Variants in CLASP1 observed in about 807,000 individuals in gnomAD.
The protein encoded by CLASP1 is CLIP-associating protein 1.
A neutral mutation model predicts 192.3 loss-of-function variants in CLASP1; 38 were observed. That is an observed-to-expected ratio of 0.20 (90% CI 0.15 to 0.26). CLASP1 has a LOEUF of 0.26. Among genes scored for constraint, CLASP1 ranks in the 10% least tolerant of loss-of-function variants. The pLI, the probability that CLASP1 is intolerant of heterozygous loss-of-function variation, is 1.00. For synonymous variants in CLASP1, 691 were observed against 712.8 expected (o/e 0.97, Z 0.49); for missense variants, 1,433 against 1,932.5 (o/e 0.74, Z 4.85).
intron 8 of CLASP1, among the ~76,000 whole-genome samples, chr2:121,476,238 C>T (rs139149610): frequency 1.3e-5 from 2 of 152,172 alleles, no homozygotes; most frequent in Non-Finnish European, 2.9e-5. Flanking sequence ...AGGGCCAGCA[C>T]TAGGAGGTCA....
chr2:121,384,457 G>C (rs1038423063), intron 32 of CLASP1, among the ~76,000 whole-genome samples: 3 of 151,748 alleles, frequency 2.0e-5, no homozygotes, highest in Non-Finnish European at 4.4e-5. Context: ...CAAAGTGCTG[G>C]GATTACAGGC....
intron 19 of CLASP1, among the ~76,000 whole-genome samples, chr2:121,436,788 C>G (rs1447206472): frequency 1.3e-5 from 2 of 152,274 alleles, no homozygotes; most frequent in African/African-American, 4.8e-5. Flanking sequence ...TCTCCCTCTT[C>G]TTCTTAAACT....
chr2:121,599,375 G>A lies in CLASP1; in HGVS notation c.195+6326C>T, dbSNP rs2063523303. Among the ~76,000 whole-genome samples, 3 of 148,364 alleles carry A rather than the reference G, an allele frequency of 2.0e-5. No individual in the cohort carries two copies. In the South Asian group the frequency reaches 6.4e-4, roughly 32 times the overall value. ...GAGGCCGAGGCTGGTGGATCAGGCAGTCAGGAGTTCAAGACCAGCCTGGCC... is the reference window on the plus strand; with the variant it reads ...GAGGCCGAGGCTGGTGGATCAGGCAATCAGGAGTTCAAGACCAGCCTGGCC... On this transcript the variant is annotated intron_variant, in intron 2 of 39. Coordinates refer to ENST00000263710, the Ensembl canonical transcript of CLASP1.
At chr2:121,524,247 C>T (rs1285204691) in intron 6 of CLASP1, among the ~76,000 whole-genome samples, 2 of 152,096 alleles carry the variant, frequency 1.3e-5, no homozygotes, top group African/African-American at 2.4e-5. Context: ...AGCGAAACCC[C>T]CAGAGTGCGG....
intron 2 of CLASP1, among the ~76,000 whole-genome samples, chr2:121,537,518 A>C (rs2095122058): frequency 6.6e-6 from 1 of 152,194 alleles, no homozygotes; most frequent in African/African-American, 2.4e-5. Context: ...ATCACACCAC[A>C]CTAAGGAAAA....
chr2:121,538,849 A>G, intron 2 of CLASP1, among the ~76,000 whole-genome samples: 1 of 152,132 alleles, frequency 6.6e-6, no homozygotes, highest in East Asian at 1.9e-4. Context: ...GACTAATACA[A>G]AGCCAATATA....
At chr2:121,525,849 C>G in exon 6 of CLASP1, 1 of 1,611,076 alleles carries the variant, frequency 6.2e-7, no homozygotes, top group Non-Finnish European at 8.5e-7. Context: ...ACTCACCTGG[C>G]TGTTTGGATC....
At chr2:121,412,480 T>TG (rs1452968368) in intron 23 of CLASP1, among the ~76,000 whole-genome samples, 4 of 151,990 alleles carry the variant, frequency 2.6e-5, no homozygotes. Flanking sequence ...AAGTTTTTTT[T>TG]TTCATTAAAA....
chr2:121,599,273 A>C (rs1286019564), intron 2 of CLASP1, among the ~76,000 whole-genome samples: 1 of 148,930 alleles, frequency 6.7e-6, no homozygotes, highest in African/African-American at 2.5e-5. Flanking sequence ...TTACTTCTCC[A>C]TTCTCTTTTC....
chr2:121,374,405 C>T (rs2069493136), intron 34 of CLASP1, among the ~76,000 whole-genome samples: 1 of 152,240 alleles, frequency 6.6e-6, no homozygotes, highest in African/African-American at 2.4e-5. Flanking sequence ...AGAACCTCTA[C>T]TAGGGGAGAC....
intron 33 of CLASP1, among the ~76,000 whole-genome samples, chr2:121,381,544 T>G (rs1244377479): frequency 6.6e-6 from 1 of 152,202 alleles, no homozygotes; most frequent in Non-Finnish European, 1.5e-5. Context: ...CCACCCCTTC[T>G]TCCAGACTCA....
At chr2:121,419,326 C>T (rs964669466) in intron 22 of CLASP1, among the ~76,000 whole-genome samples, 4 of 151,486 alleles carry the variant, frequency 2.6e-5, no homozygotes, top group Non-Finnish European at 5.9e-5. Context: ...TGTGTAGATG[C>T]TTCAAACATA....
intron 39 of CLASP1, 144 bp downstream of exon 40, chr2:121,346,894 T>G (rs1331675294): frequency 3.4e-6 from 2 of 591,052 alleles, no homozygotes; most frequent in Admixed American, 3.1e-5. Context: ...TTTTTATATT[T>G]AGAAAAATCC....
chr2:121,456,579 A>C (rs1280498351), intron 14 of CLASP1, among the ~76,000 whole-genome samples: 1 of 151,902 alleles, frequency 6.6e-6, no homozygotes, highest in Non-Finnish European at 1.5e-5. Flanking sequence ...AAGGAAACAG[A>C]AGGGAAAGGA....
intron 23 of CLASP1, among the ~76,000 whole-genome samples, chr2:121,414,679 T>C (rs1182104574): frequency 6.6e-6 from 1 of 152,224 alleles, no homozygotes; most frequent in African/African-American, 2.4e-5. Flanking sequence ...ATAATGTTAC[T>C]TCAACGGAAA....
chr2:121,548,589 C>T (rs900696559), intron 2 of CLASP1, among the ~76,000 whole-genome samples: 1 of 152,092 alleles, frequency 6.6e-6, no homozygotes, highest in Non-Finnish European at 1.5e-5. Context: ...ACATGAAGAT[C>T]ACCCCCAAGA....
At chr2:121,365,223 C>A (rs1234023183) in exon 36 of CLASP1, 1 of 1,613,774 alleles carries the variant, frequency 6.2e-7, no homozygotes, top group Non-Finnish European at 8.5e-7. Context: ...CCTCCACTCG[C>A]TCATTGTGGT....
intron 14 of CLASP1, among the ~76,000 whole-genome samples, chr2:121,452,548 T>C (rs921559566): frequency 3.3e-5 from 5 of 152,172 alleles, no homozygotes; most frequent in African/African-American, 1.2e-4. Flanking sequence ...CCCAGCACTT[T>C]AGGAGGCCAA....
intron 2 of CLASP1, among the ~76,000 whole-genome samples, chr2:121,600,543 G>A (rs569490339): frequency 6.6e-6 from 1 of 152,226 alleles, no homozygotes; most frequent in South Asian, 2.1e-4. Flanking sequence ...ATGTCATTCT[G>A]GAAAAACTAA....
Sources: allele counts gnomAD v4.1 joint callset (sites outside exome capture counted in the v4.1 genomes callset), GRCh38; gene constraint gnomAD v4.1.1; transcripts MANE v1.5; gene names NCBI Gene and HGNC (gene_info 2026-07-23, HGNC 2026-07-21).